The following FGFR1OP2 variants were observed in gnomAD, a reference collection of about 807,000 sequenced individuals.
FGFR1OP2 encodes FGFR1 oncogene partner 2.
FGFR1OP2 carries 17 observed loss-of-function variants against 35.2 expected under a neutral mutation model. That is an observed-to-expected ratio of 0.48 (90% CI 0.33 to 0.73). The LOEUF (loss-of-function observed/expected upper bound fraction) is 0.73. Ranked by LOEUF, FGFR1OP2 falls within the 30% of genes least tolerant of loss-of-function variation. The probability of loss-of-function intolerance (pLI) is 0.02; values close to 1 mark genes in which losing one functional copy is unlikely to be tolerated. For missense variants in FGFR1OP2, 251 were observed against 307.3 expected (o/e 0.82, Z 1.37); for synonymous variants, 105 against 104.6 (o/e 1.00, Z -0.03).
At chr12:26,960,060 G>T (rs1196822106) in intron 4 of FGFR1OP2, among the ~76,000 whole-genome samples, 1 of 151,982 alleles carries the variant, frequency 6.6e-6, no homozygotes, top group East Asian at 1.9e-4. Context: ...TTAATTATGG[G>T]CAGGTAGGTA....
In FGFR1OP2 at chr12:26,965,623, A is replaced by G. The variant is rs2070498841; in HGVS notation, c.*890A>G. On this transcript the variant is annotated 3_prime_UTR_variant, in exon 7 of 7. Transcript: ENST00000229395. ...TGAATTGGGAATTCCTCTGGCTCATAGAACCCTTTTTTTTTTCCTTTAAGT... is the reference window on the plus strand; with the variant it reads ...TGAATTGGGAATTCCTCTGGCTCATGGAACCCTTTTTTTTTTCCTTTAAGT... The G allele has an allele frequency of 1.3e-5, 2 of 152,118 alleles. No homozygotes were observed. Among genetic ancestry groups the G allele is most frequent in the South Asian group, 4.2e-4 (2 of 4,812 alleles). 9.4% of individuals were successfully genotyped at this position (152,118 alleles called of 1,614,324 possible). A position where few individuals can be genotyped will look rare whatever the true frequency, so the allele number is the denominator to read the frequency against.
In FGFR1OP2 at chr12:26,965,647, G is replaced by T. The variant is rs1450485510; in HGVS notation, c.*914G>T. On this transcript the variant is annotated 3_prime_UTR_variant, in exon 7 of 7. Coordinates refer to ENST00000229395, the MANE Select transcript of FGFR1OP2 (RefSeq NM_015633.3). ...TAGAACCCTTTTTTTTTTCCTTTAA[G>T]TATTCTTGAGATACAAAAAAAAAAA... The T allele has an allele frequency of 2.0e-4, 30 of 147,130 alleles. No individual in the cohort carries two copies. Among genetic ancestry groups the T allele is most frequent in the Non-Finnish European group, 4.2e-4 (28 of 66,768 alleles). The allele number at this position is 147,130 out of a possible 1,614,324, so 9.1% of individuals were successfully genotyped here.
At position 26,965,787 on chromosome 12, in the gene FGFR1OP2, G is replaced by A. The variant is rs1017172404; in HGVS notation, c.*1054G>A. On this transcript the variant is annotated 3_prime_UTR_variant, in exon 7 of 7. Coordinates refer to ENST00000229395, the MANE Select transcript of FGFR1OP2 (RefSeq NM_015633.3). ...AGCTGAAAGTGGGGGTAAAGGTGGA[G>A]TAATCTGTGGATTTGTTTCTGTTGT... 7.9e-5 allele frequency: 12 copies of A among 152,140 alleles called. No individual in the cohort carries two copies. The East Asian group carries it at 1.2e-3, about 15-fold the overall frequency. The allele number at this position is 152,140 out of a possible 1,614,324, so 9.4% of individuals were successfully genotyped here. A position where few individuals can be genotyped will look rare whatever the true frequency, so the allele number is the denominator to read the frequency against.
intron 1 of FGFR1OP2, among the ~76,000 whole-genome samples, chr12:26,940,072 G>T (rs1055287336): frequency 6.6e-6 from 1 of 152,170 alleles, no homozygotes; most frequent in Non-Finnish European, 1.5e-5. Context: ...TATTTTTACA[G>T]TATCTATTTA....
At chr12:26,950,179 A>G (rs1432768476) in intron 1 of FGFR1OP2, among the ~76,000 whole-genome samples, 1 of 145,094 alleles carries the variant, frequency 6.9e-6, no homozygotes, top group Non-Finnish European at 1.5e-5. Context: ...TTAGGCAGCT[A>G]CCATCAAGCC....
intron 5 of FGFR1OP2, 191 bp from the exon 6 acceptor site, chr12:26,963,151 A>G (rs367746456): frequency 7.0e-5 from 32 of 454,386 alleles, no homozygotes; most frequent in African/African-American, 5.8e-4. Context: ...TCTTAATTCT[A>G]GTCCTAACAA....
At chr12:26,947,414 C>CTTTTAACT (rs1247076608) in intron 1 of FGFR1OP2, among the ~76,000 whole-genome samples, 31 of 152,096 alleles carry the variant, frequency 2.0e-4, no homozygotes, top group Non-Finnish European at 4.0e-4. Context: ...CTTTTCCATC[C>CTTTTAACT]TTTTAACTTT....
chr12:26,960,914 C>A, intron 5 of FGFR1OP2: 1 of 204,718 alleles, frequency 4.9e-6, no homozygotes, highest in Non-Finnish European at 9.6e-6. Context: ...TGCTGTGAAA[C>A]AGTCATTTCC....
intron 1 of FGFR1OP2, among the ~76,000 whole-genome samples, chr12:26,939,175 C>A (rs1384330962): frequency 1.3e-5 from 2 of 152,078 alleles, no homozygotes; most frequent in African/African-American, 4.8e-5. Context: ...TCCTGCTATC[C>A]GAACTAGAAA....
At chr12:26,944,777 T>G (rs1329145195) in intron 1 of FGFR1OP2, among the ~76,000 whole-genome samples, 1 of 152,218 alleles carries the variant, frequency 6.6e-6, no homozygotes, top group Non-Finnish European at 1.5e-5. Flanking sequence ...GATTGTATAA[T>G]AATTGGTGTT....
chr12:26,963,490 TC>T, intron 6 of FGFR1OP2, 35 bp downstream of exon 6: 1 of 1,377,734 alleles, frequency 7.3e-7, no homozygotes, highest in Non-Finnish European at 1.0e-6. Context: ...ATGAAAACTG[TC>T]CATATAAAGA....
intron 1 of FGFR1OP2, among the ~76,000 whole-genome samples, chr12:26,943,754 G>A (rs927443974): frequency 3.9e-5 from 6 of 152,180 alleles, no homozygotes; most frequent in Non-Finnish European, 1.5e-5. Flanking sequence ...GAACCCAGGA[G>A]GCGGAGGTTC....
At chr12:26,960,755 T>C in intron 5 of FGFR1OP2, 127 bp downstream of exon 5, 1 of 1,385,290 alleles carries the variant, frequency 7.2e-7, no homozygotes, top group Admixed American at 2.6e-5. Flanking sequence ...AAAAGAATGT[T>C]GTGTCTTTAA....
intron 1 of FGFR1OP2, among the ~76,000 whole-genome samples, chr12:26,941,471 TA>T (rs929370924): frequency 6.6e-6 from 1 of 152,116 alleles, no homozygotes; most frequent in African/African-American, 2.4e-5. Flanking sequence ...TCTGAAATGC[TA>T]AAAAAAATTA....
intron 5 of FGFR1OP2, 116 bp downstream of exon 5, chr12:26,960,744 TAAAAGAA>T: frequency 7.1e-7 from 1 of 1,411,306 alleles, no homozygotes; most frequent in Non-Finnish European, 9.3e-7. Flanking sequence ...TGAAATTTAT[TAAAAGAA>T]TGTTGTGTCT....
chr12:26,943,489 C>G (rs1464845656), intron 1 of FGFR1OP2, among the ~76,000 whole-genome samples: 1 of 151,954 alleles, frequency 6.6e-6, no homozygotes, highest in African/African-American at 2.4e-5. Flanking sequence ...CTTGCTGGGA[C>G]TTTGACTGGA....
intron 3 of FGFR1OP2, 100 bp downstream of exon 3, chr12:26,956,760 G>C (rs115900629): frequency 3.1e-5 from 16 of 516,596 alleles, no homozygotes; most frequent in Middle Eastern, 6.3e-4. Context: ...ACATCTGCCT[G>C]GTTGACATCC....
chr12:26,950,677 TG>T (rs1325756484), intron 1 of FGFR1OP2, among the ~76,000 whole-genome samples: 1 of 152,242 alleles, frequency 6.6e-6, no homozygotes, highest in African/African-American at 2.4e-5. Flanking sequence ...TTAAGTCATT[TG>T]ATCAGTCTGG....
intron 6 of FGFR1OP2, among the ~76,000 whole-genome samples, chr12:26,964,054 GTAAC>G (rs1369458566): frequency 2.0e-5 from 3 of 152,058 alleles, no homozygotes; most frequent in Admixed American, 6.5e-5. Context: ...TTTTTTTACA[GTAAC>G]TAACCAAAAG....
Sources: allele counts gnomAD v4.1 joint callset (sites outside exome capture counted in the v4.1 genomes callset), GRCh38; gene constraint gnomAD v4.1.1; transcripts MANE v1.5; gene names NCBI Gene and HGNC (gene_info 2026-07-23, HGNC 2026-07-21).